The following STAG1 variants were observed in gnomAD, a reference collection of about 807,000 sequenced individuals.
STAG1 encodes STAG1 cohesin complex component.
In STAG1, 26 loss-of-function variants were observed where a neutral mutation model predicts 170.9. The ratio of observed to expected loss-of-function variants is 0.15; its 90% CI spans 0.11 to 0.21. STAG1 has a LOEUF of 0.21. STAG1 is among the 10% of genes least tolerant of loss of function. The pLI is 1.00. For missense variants in STAG1, 964 were observed against 1,509.5 expected, an observed-to-expected ratio of 0.64 and a Z score of 5.99; for synonymous variants, 514 against 497.7, an observed-to-expected ratio of 1.03 and a Z score of -0.44.
At chr3:136,467,594 G>A (rs1258899289) in intron 12 of STAG1, among the ~76,000 whole-genome samples, 2 of 152,136 alleles carry the variant, frequency 1.3e-5, no homozygotes, top group Admixed American at 6.6e-5. Context: ...ACATTAGACA[G>A]ATCGATGAGA....
chr3:136,568,867 G>GA lies in STAG1; in HGVS notation c.298-7dup, dbSNP rs757618834. 30 of 1,575,618 alleles carry GA rather than the reference G, an allele frequency of 1.9e-5. No individual in the cohort carries two copies. Among genetic ancestry groups the GA allele is most frequent in the African/African-American group, 5.5e-5 (4 of 72,836 alleles). On this transcript the variant is annotated splice_polypyrimidine_tract_variant and splice_region_variant and intron_variant, in intron 4 of 33. Transcript: ENST00000383202. Reference sequence around the variant, plus strand: ...ATCCAGTCATCCACCACGGACTGTGGAAAAAAAATATAAAAATGAAAACTT... The same window carrying GA: ...ATCCAGTCATCCACCACGGACTGTGGAAAAAAAAATATAAAAATGAAAACTT...
intron 14 of STAG1, among the ~76,000 whole-genome samples, chr3:136,447,629 C>G (rs1325707062): frequency 2.2e-5 from 2 of 92,762 alleles, no homozygotes; most frequent in Non-Finnish European, 3.8e-5. Context: ...TTTTTTGAGA[C>G]AGAGTCTTAA....
At chr3:136,471,888 A>C (rs187829864) in intron 12 of STAG1, among the ~76,000 whole-genome samples, 2 of 152,270 alleles carry the variant, frequency 1.3e-5, no homozygotes, top group East Asian at 1.9e-4. Context: ...CCTATGCTGG[A>C]ATGCAGTGGC....
chr3:136,720,162 G>A (rs980875036), intron 1 of STAG1, among the ~76,000 whole-genome samples: 1 of 143,700 alleles, frequency 7.0e-6, no homozygotes, highest in African/African-American at 2.6e-5. Flanking sequence ...GGCAACAAGA[G>A]CGAAATTCCG....
At chr3:136,406,774 A>C (rs527459302) in intron 21 of STAG1, among the ~76,000 whole-genome samples, 1 of 152,290 alleles carries the variant, frequency 6.6e-6, no homozygotes, top group Admixed American at 6.5e-5. Flanking sequence ...AAAATAAAAA[A>C]TATCATTAGA....
intron 3 of STAG1, 30 bp from the exon 4 acceptor site, chr3:136,604,503 C>A (rs767896256): frequency 7.7e-6 from 12 of 1,566,988 alleles, no homozygotes; most frequent in Admixed American, 2.0e-5. Context: ...AGATTCCATT[C>A]GATTAGGTTT....
chr3:136,596,935 C>G (rs575376083), intron 4 of STAG1, among the ~76,000 whole-genome samples: 1 of 152,062 alleles, frequency 6.6e-6, no homozygotes, highest in Non-Finnish European at 1.5e-5. Flanking sequence ...TTTAGCCAGG[C>G]GTACTGGCGC....
At chr3:136,404,145 G>A (rs1393552320) in intron 21 of STAG1, among the ~76,000 whole-genome samples, 1 of 152,088 alleles carries the variant, frequency 6.6e-6, no homozygotes, top group African/African-American at 2.4e-5. Context: ...AATGACACAA[G>A]AAACAAGGAA....
At chr3:136,365,826 T>C (rs1021786462) in intron 25 of STAG1, among the ~76,000 whole-genome samples, 1 of 152,072 alleles carries the variant, frequency 6.6e-6, no homozygotes, top group Admixed American at 6.6e-5. Context: ...TGGGTATCAA[T>C]AATTAGTTTG....
chr3:136,408,025 C>T (rs1322422687), intron 21 of STAG1, among the ~76,000 whole-genome samples: 2 of 151,902 alleles, frequency 1.3e-5, no homozygotes, highest in Admixed American at 6.6e-5. Flanking sequence ...TCTTATGAAA[C>T]ATCCAAAAAT....
intron 6 of STAG1, among the ~76,000 whole-genome samples, chr3:136,523,761 T>A (rs1344449220): frequency 2.0e-5 from 3 of 152,336 alleles, no homozygotes; most frequent in Non-Finnish European, 4.4e-5. Flanking sequence ...CATCTTGAAT[T>A]AATTTTTGTA....
chr3:136,524,086 T>G (rs1467092603), intron 6 of STAG1, among the ~76,000 whole-genome samples: 1 of 152,210 alleles, frequency 6.6e-6, no homozygotes, highest in African/African-American at 2.4e-5. Flanking sequence ...GGGCTCTTTT[T>G]TGGTCCCATA....
At chr3:136,673,871 G>A (rs1942047868) in intron 1 of STAG1, among the ~76,000 whole-genome samples, 1 of 151,866 alleles carries the variant, frequency 6.6e-6, no homozygotes, top group Non-Finnish European at 1.5e-5. Flanking sequence ...GGGAGGCCGA[G>A]GCAGGTGGAT....
intron 1 of STAG1, among the ~76,000 whole-genome samples, chr3:136,691,375 C>T (rs1005241317): frequency 1.3e-5 from 2 of 151,270 alleles, no homozygotes; most frequent in Non-Finnish European, 2.9e-5. Flanking sequence ...GTGGAGCTTG[C>T]GGTGAGCCAA....
At chr3:136,674,743 G>C (rs966957338) in intron 1 of STAG1, among the ~76,000 whole-genome samples, 3 of 152,052 alleles carry the variant, frequency 2.0e-5, no homozygotes, top group Admixed American at 2.0e-4. Context: ...CAAATTGTAC[G>C]CTTTAAATAT....
intron 6 of STAG1, among the ~76,000 whole-genome samples, chr3:136,536,264 T>C (rs1935616810): frequency 6.6e-6 from 1 of 152,162 alleles, no homozygotes. Context: ...AAAAAACTAC[T>C]AGTACAATTC....
chr3:136,369,466 C>G lies in STAG1; in HGVS notation c.2371-184G>C, dbSNP rs138784822. ...AATAAAATTATTTTTTCTCACTAAA[C>G]AAGTGTCATATTTAAGACTTTTCCC... On this transcript the variant is annotated intron_variant, in intron 23 of 33. Coordinates refer to ENST00000383202, the MANE Select transcript of STAG1 (RefSeq NM_005862.3). Among the ~76,000 whole-genome samples, 247 of 152,136 alleles carry G rather than the reference C, an allele frequency of 1.6e-3. 1 individual carries two copies. Among genetic ancestry groups the G allele is most frequent in the African/African-American group, 5.7e-3 (235 of 41,516 alleles).
intron 1 of STAG1, among the ~76,000 whole-genome samples, chr3:136,699,567 T>C (rs1942988807): frequency 6.6e-6 from 1 of 151,548 alleles, no homozygotes; most frequent in African/African-American, 2.4e-5. Flanking sequence ...TTTTTTTTTA[T>C]GGTAGATGGG....
intron 1 of STAG1, among the ~76,000 whole-genome samples, chr3:136,684,167 T>C (rs1205313211): frequency 6.6e-6 from 1 of 152,324 alleles, no homozygotes; most frequent in South Asian, 2.1e-4. Context: ...TTGTGAATAC[T>C]AACAAAGCGA....
Sources: gnomAD v4.1 joint callset for allele counts (sites outside exome capture counted in the v4.1 genomes callset) on GRCh38, gnomAD v4.1.1 for gene constraint, MANE v1.5 for transcripts, NCBI Gene and HGNC (gene_info 2026-07-23, HGNC 2026-07-21) for gene names.